The following CDH12 variants were observed in gnomAD, a reference collection of about 807,000 sequenced individuals.
The protein encoded by CDH12 is cadherin 12.
CDH12 carries 41 observed loss-of-function variants against 74.1 expected under a neutral mutation model. That is an observed-to-expected ratio of 0.55 (90% CI 0.43 to 0.72). The LOEUF (loss-of-function observed/expected upper bound fraction) is 0.72, where lower values mean the gene tolerates loss of function less well. Among genes scored for constraint, CDH12 ranks in the 30% least tolerant of loss-of-function variants. The probability of loss-of-function intolerance (pLI) is 0.00; values close to 1 mark genes in which losing one functional copy is unlikely to be tolerated. For missense variants in CDH12, 945 were observed against 977.2 expected, an observed-to-expected ratio of 0.97 and a Z score of 0.44; for synonymous variants, 399 against 355.0, an observed-to-expected ratio of 1.12 and a Z score of -1.39.
In CDH12 at chr5:22,837,470, A is replaced by G. The variant is rs549576756; in HGVS notation, c.-523+15588T>C. Among the ~76,000 whole-genome samples the G allele has an allele frequency of 2.0e-5, 3 of 152,266 alleles. No individual in the cohort carries two copies. In the East Asian group the frequency reaches 5.8e-4, roughly 29 times the overall value. Reference sequence around the variant, plus strand: ...TACATAAAGAAAAAATCGTATAATTAAAAAAATGTTATTAGGTCCTTCAGA... The same window carrying G: ...TACATAAAGAAAAAATCGTATAATTGAAAAAATGTTATTAGGTCCTTCAGA... On this transcript the variant is annotated intron_variant, in intron 1 of 14. Coordinates refer to ENST00000382254, the MANE Select transcript of CDH12 (RefSeq NM_004061.5).
Position 21,941,102 on chromosome 5 carries a change from C to T in CDH12, c.526+33989G>A, listed in dbSNP as rs368433726. Among the ~76,000 whole-genome samples, 6 of 152,202 alleles carry T rather than the reference C, an allele frequency of 3.9e-5. No homozygotes were observed. The East Asian group carries it at 1.2e-3, about 29-fold the overall frequency. On this transcript the variant is annotated intron_variant, in intron 6 of 14. Coordinates refer to ENST00000382254, the MANE Select transcript of CDH12 (RefSeq NM_004061.5). ...TTTGGTACACCTTTTAAAATATTCA[C>T]TGCTGCCTGCCAGCTAGCTGCAGGT... is the stretch of plus-strand genomic sequence containing the variant.
At chr5:22,330,656 C>T (rs1479353467) in intron 3 of CDH12, among the ~76,000 whole-genome samples, 1 of 146,062 alleles carries the variant, frequency 6.8e-6, no homozygotes, top group East Asian at 2.0e-4. Flanking sequence ...GAGGCTGAGG[C>T]AGGAGAATTG....
At chr5:21,950,090 CT>C (rs995908199) in intron 6 of CDH12, among the ~76,000 whole-genome samples, 7 of 151,794 alleles carry the variant, frequency 4.6e-5, no homozygotes, top group East Asian at 1.9e-4. Flanking sequence ...TTTACTGTAC[CT>C]TTTTTTTATG....
intron 5 of CDH12, among the ~76,000 whole-genome samples, chr5:21,984,879 C>G (rs1262818466): frequency 6.6e-6 from 1 of 152,274 alleles, no homozygotes; most frequent in East Asian, 1.9e-4. Context: ...AATTTACAAA[C>G]ATCATACCAA....
chr5:22,058,039 A>ATCTATCTATCTATCTATCTG (rs1449575666), intron 5 of CDH12, among the ~76,000 whole-genome samples: 1 of 145,968 alleles, frequency 6.9e-6, no homozygotes, highest in African/African-American at 2.6e-5. Flanking sequence ...CTATCTATCT[A>ATCTATCTATCTATCTATCTG]TCTATCATCT....
chr5:22,308,308 A>G (rs1431319283), intron 3 of CDH12, among the ~76,000 whole-genome samples: 1 of 152,194 alleles, frequency 6.6e-6, no homozygotes, highest in Non-Finnish European at 1.5e-5. Flanking sequence ...AGAGTATTAC[A>G]GTAAATTGTG....
At chr5:22,615,141 G>A (rs1182651913) in intron 1 of CDH12, among the ~76,000 whole-genome samples, 3 of 152,088 alleles carry the variant, frequency 2.0e-5, no homozygotes, top group Admixed American at 6.6e-5. Flanking sequence ...GTGTAGTACT[G>A]TATAGAACTT....
At chr5:22,719,013 T>C (rs1743735596) in intron 1 of CDH12, among the ~76,000 whole-genome samples, 1 of 152,160 alleles carries the variant, frequency 6.6e-6, no homozygotes, top group Non-Finnish European at 1.5e-5. Flanking sequence ...TGGGTTATTC[T>C]AGTGAATTAT....
intron 8 of CDH12, among the ~76,000 whole-genome samples, chr5:21,823,988 TAAA>T (rs1748517887): frequency 6.6e-6 from 1 of 152,142 alleles, no homozygotes; most frequent in African/African-American, 2.4e-5. Context: ...TTCTCACTAT[TAAA>T]TAATAATCCT....
At chr5:21,898,553 T>G (rs879346500) in intron 6 of CDH12, among the ~76,000 whole-genome samples, 3 of 151,640 alleles carry the variant, frequency 2.0e-5, no homozygotes, top group Non-Finnish European at 2.9e-5. Flanking sequence ...ATACAAAAAA[T>G]TAGCTGGGCG....
At chr5:21,782,014 G>A (rs79630588) in intron 11 of CDH12, among the ~76,000 whole-genome samples, 3 of 152,160 alleles carry the variant, frequency 2.0e-5, no homozygotes, top group Admixed American at 1.3e-4. Context: ...ATTTGGGCAG[G>A]ATTTGACTGG....
chr5:21,824,656 C>A (rs1748560718), intron 8 of CDH12, among the ~76,000 whole-genome samples: 1 of 152,062 alleles, frequency 6.6e-6, no homozygotes, highest in African/African-American at 2.4e-5. Context: ...ATGAATTTCC[C>A]CCATTTTCTG....
intron 3 of CDH12, among the ~76,000 whole-genome samples, chr5:22,281,636 G>T (rs918314265): frequency 5.3e-5 from 8 of 152,030 alleles, no homozygotes; most frequent in Non-Finnish European, 8.8e-5. Context: ...GCTACAAAGA[G>T]AATAAAATAC....
intron 3 of CDH12, among the ~76,000 whole-genome samples, chr5:22,225,197 T>C (rs2150371305): frequency 6.6e-6 from 1 of 152,248 alleles, no homozygotes; most frequent in East Asian, 1.9e-4. Context: ...GACAATTTTA[T>C]TGACTATATT....
intron 5 of CDH12, among the ~76,000 whole-genome samples, chr5:21,986,993 A>G (rs1484402550): frequency 1.3e-5 from 2 of 152,118 alleles, no homozygotes; most frequent in African/African-American, 2.4e-5. Flanking sequence ...TATATGTCCT[A>G]CACTAATTTA....
intron 3 of CDH12, among the ~76,000 whole-genome samples, chr5:22,369,471 T>G (rs1293353122): frequency 6.6e-6 from 1 of 152,128 alleles, no homozygotes; most frequent in East Asian, 1.9e-4. Flanking sequence ...TTTAATTCCC[T>G]GAACAACAAG....
chr5:22,380,957 G>A (rs1286929329), intron 3 of CDH12, among the ~76,000 whole-genome samples: 2 of 152,050 alleles, frequency 1.3e-5, no homozygotes, highest in East Asian at 1.9e-4. Flanking sequence ...CCATGTAGAT[G>A]AGATTCAAGA....
At chr5:22,186,221 T>C (rs1366164285) in intron 4 of CDH12, among the ~76,000 whole-genome samples, 2 of 152,190 alleles carry the variant, frequency 1.3e-5, no homozygotes, top group Non-Finnish European at 1.5e-5. Context: ...GAAACACACA[T>C]ATATGAAGAA....
chr5:22,593,676 ATAAAAGAATAG>A (rs1736461020), intron 1 of CDH12, among the ~76,000 whole-genome samples: 1 of 152,236 alleles, frequency 6.6e-6, no homozygotes, highest in South Asian at 2.1e-4. Context: ...GTTATTAAAA[ATAAAAGAATAG>A]TAAATACCAG....
Sources: allele counts gnomAD v4.1 joint callset (sites outside exome capture counted in the v4.1 genomes callset), GRCh38; gene constraint gnomAD v4.1.1; transcripts MANE v1.5; gene names NCBI Gene and HGNC (gene_info 2026-07-23, HGNC 2026-07-21).